Variants in DNAH7 observed in about 807,000 individuals in gnomAD.
The protein encoded by DNAH7 is dynein axonemal heavy chain 7, also known as axonemal beta dynein heavy chain 7.
DNAH7 carries 397 observed loss-of-function variants against 444.6 expected under a neutral mutation model. The ratio of observed to expected loss-of-function variants is 0.89; its 90% CI spans 0.82 to 0.97. The LOEUF is 0.97. DNAH7 is among the 50% of genes least tolerant of loss of function. DNAH7 has a pLI of 0.00. For synonymous variants in DNAH7, 1,636 were observed against 1,624.4 expected, an observed-to-expected ratio of 1.01 and a Z score of -0.17; for missense variants, 4,902 against 4,800.8, an observed-to-expected ratio of 1.02 and a Z score of -0.62.
intron 8 of DNAH7, among the ~76,000 whole-genome samples, chr2:196,019,824 A>G (rs916174066): frequency 6.6e-6 from 1 of 152,196 alleles, no homozygotes; most frequent in Non-Finnish European, 1.5e-5. Flanking sequence ...TTGAAGACAC[A>G]TTTACAGTTA....
chr2:195,779,056 G>A (rs1695246844), intron 58 of DNAH7, among the ~76,000 whole-genome samples: 1 of 152,020 alleles, frequency 6.6e-6, no homozygotes, highest in Admixed American at 6.6e-5. Context: ...TGTTAGCCAG[G>A]ATGATCTCGA....
Position 196,061,759 on chromosome 2 carries a change from G to A in DNAH7, c.16-3643C>T, listed in dbSNP as rs565920143. Among the ~76,000 whole-genome samples the A allele has an allele frequency of 1.2e-4, 18 of 152,242 alleles. No homozygotes were observed. In the East Asian group the frequency reaches 3.5e-3, roughly 29 times the overall value. Reference sequence around the variant, plus strand: ...GGGGGATCAAGAAAGAACGGGAAGAGGAAAGGAGACAGAATCCTTATTATA... The same window carrying A: ...GGGGGATCAAGAAAGAACGGGAAGAAGAAAGGAGACAGAATCCTTATTATA... On this transcript the variant is annotated intron_variant, in intron 1 of 64. Coordinates refer to ENST00000312428, the MANE Select transcript of DNAH7 (RefSeq NM_018897.3).
At chr2:195,933,826 C>G (rs1399610834) in intron 21 of DNAH7, among the ~76,000 whole-genome samples, 1 of 151,826 alleles carries the variant, frequency 6.6e-6, no homozygotes, top group African/African-American at 2.4e-5. Flanking sequence ...GTGCAGCACA[C>G]CAACATGGCA....
chr2:195,808,583 T>C (rs1256166660), intron 53 of DNAH7, 99 bp downstream of exon 53: 1 of 1,408,634 alleles, frequency 7.1e-7, no homozygotes, highest in Non-Finnish European at 9.7e-7. Context: ...ATGTGACCAG[T>C]TGTTTAAAGC....
intron 61 of DNAH7, among the ~76,000 whole-genome samples, chr2:195,768,580 A>T (rs1694695379): frequency 6.6e-6 from 1 of 152,076 alleles, no homozygotes; most frequent in Non-Finnish European, 1.5e-5. Context: ...AAGAAGATTT[A>T]ACATTTTTAC....
chr2:195,872,998 G>A (rs1246301625), intron 39 of DNAH7, among the ~76,000 whole-genome samples: 1 of 152,222 alleles, frequency 6.6e-6, no homozygotes, highest in African/African-American at 2.4e-5. Flanking sequence ...AGAATGTAGA[G>A]AAATAATTTT....
intron 24 of DNAH7, 31 bp from the exon 25 acceptor site, chr2:195,910,226 G>A: frequency 6.7e-7 from 1 of 1,481,934 alleles, no homozygotes; most frequent in Non-Finnish European, 9.0e-7. Context: ...ATTCTTTGTA[G>A]AATAATGTGA....
At position 195,847,063 on chromosome 2, in the gene DNAH7, TATATATATATATATCTG is replaced by T. The variant is rs1248172189; in HGVS notation, c.8782-1915_8782-1899del. Among the ~76,000 whole-genome samples, 13 of 147,382 alleles carry T rather than the reference TATATATATATATATCTG, an allele frequency of 8.8e-5. No individual in the cohort carries two copies. The South Asian group carries it at 2.1e-3, about 24-fold the overall frequency. ...TAATACTACTTTATAAACTCCCATA[TATATATATATATATCTG>T]ATATATATATATCTGATTCTTCAGA... is the stretch of plus-strand genomic sequence containing the variant. On this transcript the variant is annotated intron_variant, in intron 46 of 64. Transcript: ENST00000312428.
At chr2:195,761,968 ACTC>A (rs1694369259) in intron 61 of DNAH7, among the ~76,000 whole-genome samples, 2 of 152,326 alleles carry the variant, frequency 1.3e-5, no homozygotes, top group African/African-American at 2.4e-5. Flanking sequence ...TGTGTATACT[ACTC>A]ATATCTTGAG....
chr2:196,003,536 CATAA>C (rs756569674), intron 10 of DNAH7, among the ~76,000 whole-genome samples: 6 of 152,204 alleles, frequency 3.9e-5, no homozygotes, highest in Non-Finnish European at 7.4e-5. Flanking sequence ...CACATACATA[CATAA>C]ATAAATATTG....
chr2:196,006,738 T>C (rs182391354), intron 10 of DNAH7, among the ~76,000 whole-genome samples: 6 of 152,224 alleles, frequency 3.9e-5, no homozygotes, highest in Admixed American at 3.3e-4. Flanking sequence ...AATTCAGTTG[T>C]ATTTCTACAC....
chr2:195,774,634 G>C lies in DNAH7; in HGVS notation c.11202+1212C>G, dbSNP rs892016998. 1.1e-3 allele frequency among the ~76,000 whole-genome samples: 169 copies of C among 152,312 alleles called. 4 individuals are homozygous for C. Among genetic ancestry groups the C allele is most frequent in the South Asian group, 6.2e-4 (3 of 4,820 alleles). On this transcript the variant is annotated intron_variant, in intron 60 of 64. Coordinates refer to ENST00000312428, the MANE Select transcript of DNAH7 (RefSeq NM_018897.3). The stretch of plus-strand genomic sequence containing the variant: ...TGAGTCCTGATTTGAAATCGTACTA[G>C]CTGACTTTGGGCAAACTGCTTAATC...
In DNAH7 at chr2:196,068,761, C is replaced by T. The variant is rs1479680443; in HGVS notation, c.-50G>A. On this transcript the variant is annotated 5_prime_UTR_variant, in exon 1 of 65. Transcript: ENST00000312428. ...CCGGTGCTTCTGGGTTGCTCCTGCC[C>T]GCGGAACCCCTAGGACGATAGAGGC... 1.9e-6 allele frequency: 3 copies of T among 1,548,306 alleles called. No individual in the cohort carries two copies. The highest frequency in any genetic ancestry group is 2.4e-5 in the South Asian group (2 of 83,710).
intron 40 of DNAH7, among the ~76,000 whole-genome samples, chr2:195,869,348 A>G (rs1242985891): frequency 6.6e-6 from 1 of 151,676 alleles, no homozygotes; most frequent in African/African-American, 2.4e-5. Context: ...ATTTTTAAAG[A>G]TGTTGAGAAT....
chr2:196,044,570 CT>C (rs1442765749), intron 5 of DNAH7, among the ~76,000 whole-genome samples: 1 of 152,092 alleles, frequency 6.6e-6, no homozygotes, highest in African/African-American at 2.4e-5. Context: ...CAAACACCAC[CT>C]GTTTCCCCAA....
At chr2:195,931,549 G>A (rs1287150810) in intron 21 of DNAH7, among the ~76,000 whole-genome samples, 3 of 151,266 alleles carry the variant, frequency 2.0e-5, no homozygotes, top group Admixed American at 1.3e-4. Flanking sequence ...GGTTTTTATG[G>A]TTTTAGGTCT....
At chr2:196,032,432 C>T (rs1038328655) in intron 5 of DNAH7, among the ~76,000 whole-genome samples, 1 of 152,118 alleles carries the variant, frequency 6.6e-6, no homozygotes, top group Admixed American at 6.5e-5. Context: ...AGAAAAGGCT[C>T]TGGTATCAGG....
At chr2:195,963,193 T>C (rs1418757722) in intron 17 of DNAH7, among the ~76,000 whole-genome samples, 1 of 152,202 alleles carries the variant, frequency 6.6e-6, no homozygotes, top group Non-Finnish European at 1.5e-5. Context: ...CTGCAAACTG[T>C]TCTCCATAGT....
chr2:196,013,817 C>T (rs765032116), intron 9 of DNAH7, among the ~76,000 whole-genome samples: 32 of 152,274 alleles, frequency 2.1e-4, no homozygotes, highest in Non-Finnish European at 4.0e-4. Flanking sequence ...GATCTGATCT[C>T]TTTAGCTTCC....
Sources: gnomAD v4.1 joint callset for allele counts (sites outside exome capture counted in the v4.1 genomes callset) on GRCh38, gnomAD v4.1.1 for gene constraint, MANE v1.5 for transcripts, NCBI Gene and HGNC (gene_info 2026-07-23, HGNC 2026-07-21) for gene names.